ARHGEF26: variants seen among roughly 807,000 people sequenced by gnomAD.
ARHGEF26 encodes Rho guanine nucleotide exchange factor (GEF) 26.
A neutral mutation model predicts 89.4 loss-of-function variants in ARHGEF26; 59 were observed. The observed-to-expected ratio is 0.66, with a 90% confidence interval of 0.54 to 0.82. The LOEUF is 0.82. Among genes scored for constraint, ARHGEF26 ranks in the 40% least tolerant of loss-of-function variants. The pLI is 0.00. For missense variants in ARHGEF26, 1,234 were observed against 1,085.6 expected (o/e 1.14, Z -1.92); for synonymous variants, 500 against 428.4 (o/e 1.17, Z -2.06).
chr3:154,215,524 G>A (rs1715666136), intron 9 of ARHGEF26, among the ~76,000 whole-genome samples: 1 of 151,968 alleles, frequency 6.6e-6, no homozygotes, highest in African/African-American at 2.4e-5. Context: ...ATTTTAGAAG[G>A]GGAAATATTT....
At chr3:154,205,580 C>T (rs2108221027) in intron 9 of ARHGEF26, among the ~76,000 whole-genome samples, 1 of 152,164 alleles carries the variant, frequency 6.6e-6, no homozygotes, top group South Asian at 2.1e-4. Context: ...TTGTGGTCTT[C>T]TATTCCTTCT....
chr3:154,231,547 G>A (rs1487319145), intron 11 of ARHGEF26, among the ~76,000 whole-genome samples: 5 of 151,384 alleles, frequency 3.3e-5, no homozygotes, highest in Non-Finnish European at 5.9e-5. Flanking sequence ...GTCCTGCTAA[G>A]TAACTGATAC....
chr3:154,248,259 G>T (rs1442352918), intron 12 of ARHGEF26, among the ~76,000 whole-genome samples: 1 of 152,144 alleles, frequency 6.6e-6, no homozygotes, highest in African/African-American at 2.4e-5. Flanking sequence ...CATAATGAAT[G>T]TGGTTGGTGC....
intron 6 of ARHGEF26, among the ~76,000 whole-genome samples, chr3:154,180,461 A>G (rs943567496): frequency 4.0e-5 from 6 of 151,252 alleles, no homozygotes; most frequent in African/African-American, 1.5e-4. Flanking sequence ...GTTTGCATGT[A>G]AAGAAATGTT....
chr3:154,183,977 C>CTTTTTTTTTTTTTTT (rs548153454), intron 6 of ARHGEF26, among the ~76,000 whole-genome samples: 1 of 140,318 alleles, frequency 7.1e-6, no homozygotes, highest in African/African-American at 2.6e-5. Flanking sequence ...AATTTTCTTT[C>CTTTTTTTTTTTTTTT]TTTTTTTTTT....
At chr3:154,125,179 C>T (rs550089074) in intron 3 of ARHGEF26, among the ~76,000 whole-genome samples, 1 of 152,130 alleles carries the variant, frequency 6.6e-6, no homozygotes, top group East Asian at 1.9e-4. Context: ...GAAGATTTTC[C>T]AACCTTCAAA....
At chr3:154,175,569 A>G (rs752403357) in intron 6 of ARHGEF26, among the ~76,000 whole-genome samples, 1 of 152,238 alleles carries the variant, frequency 6.6e-6, no homozygotes, top group Non-Finnish European at 1.5e-5. Context: ...AATCATACTT[A>G]CTTTTTCATG....
At chr3:154,179,336 C>G (rs1016981886) in intron 6 of ARHGEF26, among the ~76,000 whole-genome samples, 2 of 152,214 alleles carry the variant, frequency 1.3e-5, no homozygotes, top group Non-Finnish European at 2.9e-5. Flanking sequence ...AAACTACTCT[C>G]TCACCTCTCT....
At chr3:154,128,955 A>AT (rs1718508725) in intron 3 of ARHGEF26, among the ~76,000 whole-genome samples, 1 of 152,156 alleles carries the variant, frequency 6.6e-6, no homozygotes, top group Non-Finnish European at 1.5e-5. Context: ...ATGCTTTAGT[A>AT]TCAGCTCCTG....
intron 10 of ARHGEF26, among the ~76,000 whole-genome samples, chr3:154,218,495 A>G (rs1243461176): frequency 6.6e-6 from 1 of 152,102 alleles, no homozygotes; most frequent in African/African-American, 2.4e-5. Context: ...ATGAACAAAA[A>G]AGAAGAAAAT....
At chr3:154,253,884 T>G (rs1292594466) in intron 13 of ARHGEF26, among the ~76,000 whole-genome samples, 1 of 152,178 alleles carries the variant, frequency 6.6e-6, no homozygotes, top group Non-Finnish European at 1.5e-5. Context: ...GGTTTGAAAG[T>G]TCCCGGAAAT....
Position 154,199,244 on chromosome 3 carries a change from A to G in ARHGEF26, c.1845+4526A>G, listed in dbSNP as rs1047704714. 2.2e-4 allele frequency among the ~76,000 whole-genome samples: 33 copies of G among 151,670 alleles called. 1 individual carries two copies. The highest frequency in any genetic ancestry group is 2.9e-4 in the African/African-American group (12 of 41,256). ...CCCTTCCTAGCCTCTGGTAAGCATC[A>G]TTCTACTCTCTATGTCCATGAGTTC... On this transcript the variant is annotated intron_variant, in intron 9 of 14. Coordinates refer to ENST00000465093, the MANE Select transcript of ARHGEF26 (RefSeq NM_015595.4).
chr3:154,158,404 A>G lies in ARHGEF26; in HGVS notation c.1487+5472A>G, dbSNP rs561930815. On this transcript the variant is annotated intron_variant, in intron 6 of 14. Coordinates refer to ENST00000465093, the MANE Select transcript of ARHGEF26 (RefSeq NM_015595.4). ...TTTTCTAACCCTCCTTAAAAGGAGT[A>G]TTTGGGGAGTTAGAATCCTACTGAT... 2.6e-5 allele frequency among the ~76,000 whole-genome samples: 4 copies of G among 152,280 alleles called. No homozygotes were observed. In the South Asian group the frequency reaches 6.2e-4, roughly 24 times the overall value.
At chr3:154,163,555 A>C (rs1026173048) in intron 6 of ARHGEF26, among the ~76,000 whole-genome samples, 2 of 152,170 alleles carry the variant, frequency 1.3e-5, no homozygotes, top group African/African-American at 4.8e-5. Context: ...CACATCTGGA[A>C]AATTATTTGA....
At chr3:154,225,815 T>C in intron 10 of ARHGEF26, 41 bp from the exon 11 acceptor site, 1 of 1,556,866 alleles carries the variant, frequency 6.4e-7, no homozygotes, top group Non-Finnish European at 8.6e-7. Flanking sequence ...TTAAAAGGAT[T>C]TCAATTTAGC....
At chr3:154,249,909 A>C (rs1488161953) in intron 12 of ARHGEF26, among the ~76,000 whole-genome samples, 2 of 152,328 alleles carry the variant, frequency 1.3e-5, no homozygotes, top group East Asian at 3.9e-4. Flanking sequence ...CTTCATGTCT[A>C]AATTTAATCG....
rs549407232 is a variant in ARHGEF26 at position 154,130,579 on chromosome 3, CCT to C, written c.1269+865_1269+866del. ...AATTTTGTGTTGATGAGTAATTTCT[CCT>C]CTCTGCATCAGACACCTTTTGTTTT... On this transcript the variant is annotated intron_variant, in intron 4 of 14. Transcript: ENST00000465093. Among the ~76,000 whole-genome samples the C allele has an allele frequency of 1.7e-3, 263 of 152,302 alleles. 1 individual carries two copies. The highest frequency in any genetic ancestry group is 2.7e-3 in the Non-Finnish European group (187 of 68,040).
At chr3:154,171,872 G>T (rs932440101) in intron 6 of ARHGEF26, among the ~76,000 whole-genome samples, 4 of 152,118 alleles carry the variant, frequency 2.6e-5, no homozygotes, top group Admixed American at 6.6e-5. Flanking sequence ...AGTTGGGGGT[G>T]GGGGAGGACT....
At chr3:154,238,478 C>A (rs965625209) in intron 11 of ARHGEF26, among the ~76,000 whole-genome samples, 1 of 152,044 alleles carries the variant, frequency 6.6e-6, no homozygotes, top group African/African-American at 2.4e-5. Flanking sequence ...TTTCAAGGAG[C>A]ATGACAAAAG....
Sources: allele counts gnomAD v4.1 joint callset (sites outside exome capture counted in the v4.1 genomes callset), GRCh38; gene constraint gnomAD v4.1.1; transcripts MANE v1.5; gene names NCBI Gene and HGNC (gene_info 2026-07-23, HGNC 2026-07-21).